Variants in CCSER1 observed in about 807,000 individuals in gnomAD.
CCSER1 encodes the protein serine-rich coiled-coil domain-containing protein 1.
In CCSER1, 41 loss-of-function variants were observed where a neutral mutation model predicts 82.0. The ratio of observed to expected loss-of-function variants is 0.50; its 90% CI spans 0.39 to 0.65. CCSER1 has a LOEUF of 0.65. CCSER1 is among the 30% of genes least tolerant of loss of function. The pLI, the probability that CCSER1 is intolerant of heterozygous loss-of-function variation, is 0.00. For synonymous variants in CCSER1, 414 were observed against 383.9 expected, an observed-to-expected ratio of 1.08 and a Z score of -0.92; for missense variants, 1,119 against 1,064.2, an observed-to-expected ratio of 1.05 and a Z score of -0.72.
At chr4:90,475,675 G>C (rs976866356) in intron 5 of CCSER1, among the ~76,000 whole-genome samples, 1 of 152,164 alleles carries the variant, frequency 6.6e-6, no homozygotes, top group African/African-American at 2.4e-5. Context: ...GGACTCTAGA[G>C]TTAGTCAGGG....
chr4:91,216,454 G>A (rs1317092417), intron 10 of CCSER1, among the ~76,000 whole-genome samples: 1 of 152,036 alleles, frequency 6.6e-6, no homozygotes, highest in Non-Finnish European at 1.5e-5. Flanking sequence ...CGAATAGCTG[G>A]GACTACAGGT....
intron 1 of CCSER1, among the ~76,000 whole-genome samples, chr4:90,229,704 G>C (rs577516492): frequency 4.6e-5 from 7 of 152,318 alleles, no homozygotes; most frequent in African/African-American, 1.7e-4. Flanking sequence ...TGACCCATCA[G>C]TGTGCTGTAT....
intron 10 of CCSER1, among the ~76,000 whole-genome samples, chr4:91,102,014 A>C (rs747101139): frequency 2.0e-5 from 3 of 147,182 alleles, no homozygotes; most frequent in Admixed American, 1.4e-4. Context: ...TCACTTTTGC[A>C]GTCAGACAGA....
At chr4:90,655,252 A>G (rs372146411) in intron 6 of CCSER1, among the ~76,000 whole-genome samples, 4 of 152,134 alleles carry the variant, frequency 2.6e-5, no homozygotes, top group East Asian at 1.9e-4. Flanking sequence ...GTTTTATAAT[A>G]GGATCCCTCA....
intron 10 of CCSER1, among the ~76,000 whole-genome samples, chr4:91,381,486 C>T (rs1448770609): frequency 6.6e-6 from 1 of 151,402 alleles, no homozygotes; most frequent in Admixed American, 6.6e-5. Context: ...CACTTCATTT[C>T]ATTTATTTGA....
chr4:91,184,407 A>AT (rs760514019), intron 10 of CCSER1, among the ~76,000 whole-genome samples: 22 of 152,314 alleles, frequency 1.4e-4, no homozygotes, highest in Non-Finnish European at 2.4e-4. Context: ...TTAAAGGCCA[A>AT]TTTTTTGGAA....
intron 9 of CCSER1, among the ~76,000 whole-genome samples, chr4:90,981,352 C>A (rs118066139): frequency 1.3e-5 from 2 of 151,732 alleles, no homozygotes; most frequent in African/African-American, 4.8e-5. Context: ...AGTTTATACA[C>A]GGATGAAAAT....
intron 10 of CCSER1, among the ~76,000 whole-genome samples, chr4:91,452,042 G>A (rs766254396): frequency 2.6e-5 from 4 of 151,926 alleles, no homozygotes; most frequent in Non-Finnish European, 4.4e-5. Context: ...TATACACTAT[G>A]ATGTCTGGAT....
intron 1 of CCSER1, among the ~76,000 whole-genome samples, chr4:90,133,706 C>T (rs1315578413): frequency 6.6e-6 from 1 of 152,124 alleles, no homozygotes; most frequent in Non-Finnish European, 1.5e-5. Flanking sequence ...CCTTTCTTGG[C>T]CTTGTTTTCT....
intron 9 of CCSER1, among the ~76,000 whole-genome samples, chr4:90,956,968 A>T: frequency 6.9e-6 from 1 of 144,768 alleles, no homozygotes. Flanking sequence ...TTGTAGAGAC[A>T]GGATCTCACT....
At chr4:91,143,457 G>A (rs927932507) in intron 10 of CCSER1, among the ~76,000 whole-genome samples, 4 of 151,902 alleles carry the variant, frequency 2.6e-5, no homozygotes, top group African/African-American at 9.7e-5. Flanking sequence ...TTTTCTATTT[G>A]TATGCTTTTT....
At chr4:90,983,638 A>G (rs1736322698) in intron 9 of CCSER1, among the ~76,000 whole-genome samples, 1 of 151,796 alleles carries the variant, frequency 6.6e-6, no homozygotes, top group Non-Finnish European at 1.5e-5. Context: ...ATTAAGGAAA[A>G]AAATAACTTA....
intron 9 of CCSER1, among the ~76,000 whole-genome samples, chr4:91,070,072 C>T (rs1721269004): frequency 1.3e-5 from 2 of 151,906 alleles, no homozygotes; most frequent in African/African-American, 2.4e-5. Flanking sequence ...AGAAGCTCCG[C>T]CTCCCGAGTT....
chr4:90,556,784 C>G (rs944357110), intron 5 of CCSER1, among the ~76,000 whole-genome samples: 1 of 151,084 alleles, frequency 6.6e-6, no homozygotes, highest in African/African-American at 2.4e-5. Flanking sequence ...TCAGGGGTGG[C>G]AGAGACATAT....
intron 1 of CCSER1, among the ~76,000 whole-genome samples, chr4:90,300,481 G>A (rs1373121952): frequency 6.6e-6 from 1 of 152,096 alleles, no homozygotes; most frequent in Non-Finnish European, 1.5e-5. Context: ...TATAGTCTTA[G>A]TAAGTGGTAG....
At chr4:91,431,783 T>C (rs1754342209) in intron 10 of CCSER1, among the ~76,000 whole-genome samples, 1 of 152,208 alleles carries the variant, frequency 6.6e-6, no homozygotes, top group African/African-American at 2.4e-5. Flanking sequence ...CATTTTTATC[T>C]AAATCGAAGC....
At chr4:90,362,114 C>T (rs1331347463) in intron 3 of CCSER1, among the ~76,000 whole-genome samples, 1 of 152,088 alleles carries the variant, frequency 6.6e-6, no homozygotes, top group East Asian at 1.9e-4. Context: ...AATACTGACA[C>T]TCTGGTTATT....
chr4:91,570,637 T>C (rs1763129470), intron 10 of CCSER1, among the ~76,000 whole-genome samples: 1 of 152,172 alleles, frequency 6.6e-6, no homozygotes, highest in Admixed American at 6.5e-5. Flanking sequence ...CTGAAGCAGC[T>C]GGTATGCAGG....
intron 7 of CCSER1, among the ~76,000 whole-genome samples, chr4:90,775,181 A>G (rs933890150): frequency 6.6e-6 from 1 of 152,154 alleles, no homozygotes; most frequent in Non-Finnish European, 1.5e-5. Context: ...TATAGACCAT[A>G]TAAGAATCAT....
Sources: allele counts gnomAD v4.1 joint callset (sites outside exome capture counted in the v4.1 genomes callset), GRCh38; gene constraint gnomAD v4.1.1; transcripts MANE v1.5; gene names NCBI Gene and HGNC (gene_info 2026-07-23, HGNC 2026-07-21).